PPARG: variants seen among roughly 807,000 people sequenced by gnomAD.
The protein encoded by PPARG is peroxisome proliferator-activated receptor gamma.
Under a neutral mutation model 39.2 loss-of-function variants are expected in PPARG, and 17 were observed. The observed-to-expected ratio is 0.43, with a 90% confidence interval of 0.30 to 0.65. PPARG has a LOEUF of 0.65. Among genes scored for constraint, PPARG ranks in the 30% least tolerant of loss-of-function variants. PPARG has a pLI of 0.13. For missense variants in PPARG, 406 were observed against 585.9 expected (o/e 0.69, Z 3.17); for synonymous variants, 223 against 215.7 (o/e 1.03, Z -0.30).
chr3:12,422,065 T>C (rs1204833137), intron 7 of PPARG, among the ~76,000 whole-genome samples: 1 of 152,142 alleles, frequency 6.6e-6, no homozygotes, highest in Non-Finnish European at 1.5e-5. Context: ...TCCCTGGGGC[T>C]CCCCCATGGG....
intron 2 of PPARG, among the ~76,000 whole-genome samples, chr3:12,378,608 G>A (rs2049504875): frequency 6.6e-6 from 1 of 152,110 alleles, no homozygotes; most frequent in African/African-American, 2.4e-5. Context: ...GATCCACGTG[G>A]AATCTAAAAA....
At chr3:12,358,232 C>T (rs2048728390) in intron 2 of PPARG, among the ~76,000 whole-genome samples, 1 of 152,160 alleles carries the variant, frequency 6.6e-6, no homozygotes, top group African/African-American at 2.4e-5. Flanking sequence ...AATCTACCCA[C>T]CTTTTGATAC....
intron 1 of PPARG, among the ~76,000 whole-genome samples, chr3:12,292,543 G>A (rs932480601): frequency 3.9e-5 from 6 of 152,110 alleles, no homozygotes; most frequent in Admixed American, 3.3e-4. Flanking sequence ...TGGCTTGAAA[G>A]GTTCAGATAT....
rs2050661883 is a variant in PPARG at position 12,406,228 on chromosome 3, G to T, written c.729+147G>T. 9 of 819,652 alleles carry T rather than the reference G, an allele frequency of 1.1e-5. No homozygotes were observed. The South Asian group carries it at 1.4e-4, about 12-fold the overall frequency. 50.8% of individuals were successfully genotyped at this position (819,652 alleles called of 1,614,324 possible). On this transcript the variant is annotated intron_variant, in intron 6 of 7. Coordinates refer to ENST00000651735, the MANE Select transcript of PPARG (RefSeq NM_138711.6). ...TGTTAACATATTGCAGGCTGAGTCT[G>T]AAACGCAGGAAGTGTTTTCAGATAG...
At chr3:12,308,050 C>A (rs535398850) in intron 1 of PPARG, among the ~76,000 whole-genome samples, 1 of 151,924 alleles carries the variant, frequency 6.6e-6, no homozygotes, top group Non-Finnish European at 1.5e-5. Context: ...GGAAAAGGGA[C>A]TAAAATAGTC....
chr3:12,414,539 A>T (rs2050994095), intron 6 of PPARG, among the ~76,000 whole-genome samples: 2 of 152,278 alleles, frequency 1.3e-5, no homozygotes, highest in South Asian at 4.1e-4. Context: ...TGCCTGGAGG[A>T]CAAGAAACAC....
At chr3:12,409,727 T>TA (rs1261895157) in intron 6 of PPARG, among the ~76,000 whole-genome samples, 1 of 152,206 alleles carries the variant, frequency 6.6e-6, no homozygotes, top group Non-Finnish European at 1.5e-5. Flanking sequence ...CTCAGAATAG[T>TA]GGGTGACCAA....
At chr3:12,427,114 T>C (rs146062105) in intron 7 of PPARG, among the ~76,000 whole-genome samples, 2 of 152,298 alleles carry the variant, frequency 1.3e-5, no homozygotes, top group South Asian at 2.1e-4. Flanking sequence ...AATTTAAATA[T>C]TAAGAGGACA....
chr3:12,327,207 G>C (rs972315531), intron 2 of PPARG, among the ~76,000 whole-genome samples: 1 of 152,190 alleles, frequency 6.6e-6, no homozygotes, highest in Non-Finnish European at 1.5e-5. Context: ...TTGTTCTGCT[G>C]CTGGTTTTAT....
intron 5 of PPARG, among the ~76,000 whole-genome samples, chr3:12,393,042 T>C (rs2050134717): frequency 6.6e-6 from 1 of 152,222 alleles, no homozygotes; most frequent in African/African-American, 2.4e-5. Context: ...ATCATCATGA[T>C]TAATTTTTAT....
intron 2 of PPARG, among the ~76,000 whole-genome samples, chr3:12,321,608 C>G (rs560781102): frequency 6.6e-6 from 1 of 152,198 alleles, no homozygotes; most frequent in African/African-American, 2.4e-5. Context: ...CCAAGCAATC[C>G]ATCGTTTCCA....
At chr3:12,348,841 T>G (rs1421759443) in intron 2 of PPARG, among the ~76,000 whole-genome samples, 3 of 152,230 alleles carry the variant, frequency 2.0e-5, no homozygotes, top group Admixed American at 2.0e-4. Flanking sequence ...AAGCAAGATC[T>G]AAAGTTCTAA....
intron 2 of PPARG, among the ~76,000 whole-genome samples, chr3:12,365,401 A>G (rs184663564): frequency 1.3e-5 from 2 of 152,044 alleles, no homozygotes; most frequent in Admixed American, 1.3e-4. Flanking sequence ...CCAGATAATC[A>G]GTTATTTCAT....
chr3:12,346,744 C>T (rs1010930910), intron 2 of PPARG, among the ~76,000 whole-genome samples: 2 of 151,990 alleles, frequency 1.3e-5, no homozygotes, highest in Non-Finnish European at 2.9e-5. Flanking sequence ...AAGCATCCCT[C>T]CTGCCTCAGC....
chr3:12,328,390 G>A, intron 2 of PPARG: 8 of 635,318 alleles, frequency 1.3e-5, no homozygotes, highest in South Asian at 1.1e-4. Context: ...TATTTGGATG[G>A]CCTGGCAACG....
intron 2 of PPARG, among the ~76,000 whole-genome samples, chr3:12,325,059 G>C (rs958133306): frequency 6.6e-6 from 1 of 152,152 alleles, no homozygotes; most frequent in Non-Finnish European, 1.5e-5. Flanking sequence ...GGCTGAGGCG[G>C]GCGGATCACT....
At chr3:12,364,125 A>G (rs1294797585) in intron 2 of PPARG, among the ~76,000 whole-genome samples, 1 of 152,194 alleles carries the variant, frequency 6.6e-6, no homozygotes, top group Non-Finnish European at 1.5e-5. Context: ...CTGGGTTTGT[A>G]CAAATGTATA....
chr3:12,379,907 G>A lies in PPARG; in HGVS notation c.196G>A (p.Asp66Asn), dbSNP rs181976291. 3.1e-6 allele frequency: 5 copies of A among 1,610,010 alleles called. No individual in the cohort carries two copies. The Admixed American group carries it at 8.3e-5, about 27-fold the overall frequency. The part of the protein sequence containing the change: ...TDPVVADYKY[D>N]LKLQEYQSAI... ...TCCAGTGGTTGCAGATTACAAGTATGACCTGAAACTTCAAGAGTACCAAAG... is the reference window on the plus strand; with the variant it reads ...TCCAGTGGTTGCAGATTACAAGTATAACCTGAAACTTCAAGAGTACCAAAG... The change falls in exon 3 of 8, where the codon GAC becomes AAC. Residue 66 changes from aspartate (D) to asparagine (N), a missense_variant. Around this residue, in one of 2 missense-constraint regions of PPARG, gnomAD observed 131 missense variants for 127.9 expected, o/e 1.02. Transcript: ENST00000651735.
intron 5 of PPARG, among the ~76,000 whole-genome samples, chr3:12,400,369 G>T (rs1365960771): frequency 6.6e-6 from 1 of 152,140 alleles, no homozygotes; most frequent in Non-Finnish European, 1.5e-5. Flanking sequence ...CCATGTGCTT[G>T]GTGTTTGTGT....
Sources: allele counts gnomAD v4.1 joint callset (sites outside exome capture counted in the v4.1 genomes callset), GRCh38; gene constraint gnomAD v4.1.1; regional missense constraint gnomAD v4.1.1; transcripts MANE v1.5; gene names NCBI Gene and HGNC (gene_info 2026-07-23, HGNC 2026-07-21).